Variants in LYST observed in about 807,000 individuals in gnomAD.
The protein encoded by LYST is lysosomal trafficking regulator.
LYST carries 192 observed loss-of-function variants against 413.6 expected under a neutral mutation model. The ratio of observed to expected loss-of-function variants is 0.46; its 90% CI spans 0.41 to 0.52. The LOEUF is 0.52. LYST is among the 20% of genes least tolerant of loss of function. The pLI, the probability that LYST is intolerant of heterozygous loss-of-function variation, is 0.00. For synonymous variants in LYST, 1,525 were observed against 1,567.3 expected (o/e 0.97, Z 0.64); for missense variants, 3,815 against 4,499.9 (o/e 0.85, Z 4.35).
Position 235,733,598 on chromosome 1 carries a change from T to C in LYST, c.8706A>G (p.Arg2902=). 6.2e-7 allele frequency: 1 copy of C among 1,613,838 alleles called. No individual in the cohort carries two copies. The change falls in exon 34 of 53, where the codon AGA becomes AGG. Residue 2902 remains arginine, a synonymous_variant. Transcript: ENST00000389793. The part of the protein sequence containing the change: ...QAVSLSQGNE[R]KKVIQHIRGM... The stretch of plus-strand genomic sequence containing the variant: ...CTCTAATATGCTGGATCACCTTTTT[T>C]CTCTCATTTCCTTGGGAGAGAGACA...
rs1667328867 is a variant in LYST, at chr1:235,759,129, T to G, written c.6724A>C (p.Thr2242Pro). ...AAAGCTAGCCCAAGGCTTGCAATAG[T>G]GCTGTGGCTTCGCTGGAAGGAGGCC... The part of the protein sequence containing the change: ...GLASFQRSHS[T>P]IASLGLAFPS... Residue 2242 changes from threonine to proline, a missense_variant, in exon 23 of 53, where the codon ACT (threonine) becomes CCT (proline). By Grantham distance (38) the Thr-to-Pro change is conservative. Around this residue, in one of 4 missense-constraint regions of LYST, gnomAD observed 771 missense variants for 837.1 expected, o/e 0.92. Transcript: ENST00000389793. 1 of 1,614,202 alleles carries G rather than the reference T, an allele frequency of 6.2e-7. No individual in the cohort carries two copies. The highest frequency in any genetic ancestry group is 8.5e-7 in the Non-Finnish European group (1 of 1,180,030).
At chr1:235,741,729 T>C in intron 30 of LYST, 101 bp from the exon 31 acceptor site, 1 of 877,334 alleles carries the variant, frequency 1.1e-6, no homozygotes, top group Non-Finnish European at 1.9e-6. Flanking sequence ...ACACGTTTTA[T>C]TCCAGATTGG....
At position 235,757,423 on chromosome 1, in the gene LYST, C is replaced by T. The variant is rs562790451; in HGVS notation, c.6917G>A (p.Gly2306Glu). The T allele has an allele frequency of 1.9e-6, 3 of 1,613,404 alleles. No individual in the cohort carries two copies. Among genetic ancestry groups the T allele is most frequent in the Non-Finnish European group, 2.5e-6 (3 of 1,179,750 alleles). ...AACCCCACTTAGGAGTTCATATAAT[C>T]CACAGCATATAGGTACCAAACAGTC... ...TEDCLVPICCGLYELLSGVLL... is the reference protein window; with the variant it reads ...TEDCLVPICCELYELLSGVLL... Residue 2306 changes from glycine to glutamate, a missense_variant, in exon 24 of 53, where the codon GGA (glycine) becomes GAA (glutamate). Physicochemically the swap from Gly to Glu is moderately conservative, Grantham distance 98. Around this residue, in one of 4 missense-constraint regions of LYST, gnomAD observed 771 missense variants for 837.1 expected, o/e 0.92. Coordinates refer to ENST00000389793, the MANE Select transcript of LYST (RefSeq NM_000081.4).
At chr1:235,691,588 A>G (rs1340767769) in intron 47 of LYST, among the ~76,000 whole-genome samples, 1 of 152,168 alleles carries the variant, frequency 6.6e-6, no homozygotes, top group Non-Finnish European at 1.5e-5. Context: ...GATGTTGAGC[A>G]GGAGATTTTG....
intron 10 of LYST, among the ~76,000 whole-genome samples, chr1:235,799,039 C>A (rs10926703): frequency 0.037 from 5,643 of 152,184 alleles, 348 homozygotes; most frequent in African/African-American, 0.13. Flanking sequence ...TAAATAATGG[C>A]ATATAATTTC....
At position 235,806,306 on chromosome 1, in the gene LYST, T is replaced by C. The variant is rs373671757; in HGVS notation, c.2830A>G (p.Ile944Val). 6.2e-6 allele frequency: 10 copies of C among 1,613,908 alleles called. No individual in the cohort carries two copies. Among genetic ancestry groups the C allele is most frequent in the South Asian group, 1.1e-5 (1 of 91,078 alleles). Residue 944 changes from isoleucine to valine, a missense_variant, in exon 6 of 53, where the codon ATA becomes GTA. By Grantham distance (29) the Ile-to-Val change is conservative. Transcript: ENST00000389793. ...SEPLSHMLPC[I>V]SLESLVLPSP... ...GGCAAGACAAGGCTCTCGAGAGATA[T>C]ACATGGCAGCATATGACTTAAAGGC...
chr1:235,877,751 T>G (rs1681205594), intron 1 of LYST, among the ~76,000 whole-genome samples: 1 of 150,872 alleles, frequency 6.6e-6, no homozygotes, highest in East Asian at 2.0e-4. Flanking sequence ...AGTACAGTTC[T>G]GAGACAATTG....
chr1:235,801,274 T>G (rs571953988), intron 8 of LYST, among the ~76,000 whole-genome samples, 177 bp from the exon 9 acceptor site: 22 of 152,286 alleles, frequency 1.4e-4, no homozygotes, highest in African/African-American at 5.3e-4. Flanking sequence ...TTTTGAAGAT[T>G]AATGAGTTCC....
In LYST at chr1:235,674,807, C is replaced by A. The variant is rs1659243355; in HGVS notation, c.11038+2284G>T. 6.6e-6 allele frequency among the ~76,000 whole-genome samples: 1 copy of A among 152,168 alleles called. No homozygotes were observed. The highest frequency in any genetic ancestry group is 1.5e-5 in the Non-Finnish European group (1 of 68,034). ...AAACAATCACAAAAGCCCTACAGGGCCTTACCACCCTAGCAAATAAATTAG... is the reference window on the plus strand; with the variant it reads ...AAACAATCACAAAAGCCCTACAGGGACTTACCACCCTAGCAAATAAATTAG... On this transcript the variant is annotated intron_variant, in intron 50 of 52. Coordinates refer to ENST00000389793, the MANE Select transcript of LYST (RefSeq NM_000081.4). This position sits in a 1 kb window ranked among gnomAD's most constrained non-coding sequence, Gnocchi z 4.1.
At chr1:235,712,607 G>GT in intron 42 of LYST, 1 of 984,560 alleles carries the variant, frequency 1.0e-6, no homozygotes, top group Non-Finnish European at 1.2e-6. Context: ...TAGGCAAACA[G>GT]TTTTTTCCCC....
At chr1:235,858,142 AC>A (rs891507855) in intron 1 of LYST, among the ~76,000 whole-genome samples, 3 of 151,980 alleles carry the variant, frequency 2.0e-5, no homozygotes, top group African/African-American at 7.3e-5. Flanking sequence ...TTCTTCAATG[AC>A]CCCTACTTTG....
At chr1:235,701,614 C>T (rs1041738931) in intron 45 of LYST, among the ~76,000 whole-genome samples, 2 of 152,002 alleles carry the variant, frequency 1.3e-5, no homozygotes, top group Middle Eastern at 3.2e-3. Flanking sequence ...GGCGACAGAG[C>T]GAGACTCATC....
rs375237666 is a variant in LYST, at chr1:235,806,354, C to T, written c.2782G>A (p.Gly928Ser). The change falls in exon 6 of 53, where the codon GGC becomes AGC. Residue 928 changes from glycine to serine, a missense_variant. Around this residue, in one of 4 missense-constraint regions of LYST, gnomAD observed 1,648 missense variants for 1,810.3 expected, o/e 0.91. Transcript: ENST00000389793. The stretch of plus-strand genomic sequence containing the variant: ...GGCTCGCTGGCTGTGCTGTCATAGC[C>T]AGAAGTATCTTCTGAGTCATTGGCC... ...ESANDSEDTS[G>S]YDSTASEPLS... 1 of 1,613,992 alleles carries T rather than the reference C, an allele frequency of 6.2e-7. No individual in the cohort carries two copies. The highest frequency in any genetic ancestry group is 8.5e-7 in the Non-Finnish European group (1 of 1,179,998).
At chr1:235,828,652 C>A (rs908422063) in intron 3 of LYST, 2 of 440,630 alleles carry the variant, frequency 4.5e-6, no homozygotes, top group Non-Finnish European at 6.0e-6. Flanking sequence ...TTATTAGAGT[C>A]ATTCCTCGAT....
intron 31 of LYST, chr1:235,739,056 A>G (rs1459845600): frequency 1.6e-6 from 1 of 620,020 alleles, no homozygotes; most frequent in Non-Finnish European, 3.1e-6. Context: ...GGTTGTGCAT[A>G]TTGTCCTTTT....
At position 235,805,778 on chromosome 1, in the gene LYST, T is replaced by C. The variant is rs1405097388; in HGVS notation, c.3358A>G (p.Ser1120Gly). 2.5e-6 allele frequency: 4 copies of C among 1,613,548 alleles called. No individual in the cohort carries two copies. Among genetic ancestry groups the C allele is most frequent in the East Asian group, 4.5e-5 (2 of 44,838 alleles). Residue 1120 changes from serine (S) to glycine (G), a missense_variant, in exon 6 of 53, where the codon AGT (serine) becomes GGT (glycine). Ser to Gly is a moderately conservative substitution (Grantham distance 56). This residue lies in a region of LYST where 1,648 missense variants were observed against 1,810.3 expected (regional missense o/e 0.91). Coordinates refer to ENST00000389793, the MANE Select transcript of LYST (RefSeq NM_000081.4). ...AACTCCAATTCCATCTTCTGTTGACTAGTTCTGGCACCATGAAGACAAATG... is the reference window on the plus strand; with the variant it reads ...AACTCCAATTCCATCTTCTGTTGACCAGTTCTGGCACCATGAAGACAAATG... ...LAICLHGART[S>G]QQKMELELPN...
rs544082091 is a variant in LYST, at chr1:235,844,464, T to A, written c.-97-10797A>T. Among the ~76,000 whole-genome samples the A allele has an allele frequency of 3.3e-5, 5 of 152,210 alleles. No individual in the cohort carries two copies. The South Asian group carries it at 1.0e-3, about 32-fold the overall frequency. ...AATGATTAGTCACTGGACTCTACTA[T>A]CCCAGTTGTCTTGGAGTTACATATG... On this transcript the variant is annotated intron_variant, in intron 1 of 52. Coordinates refer to ENST00000389793, the MANE Select transcript of LYST (RefSeq NM_000081.4).
At chr1:235,867,577 C>T (rs1680699275), upstream of LYST, among the ~76,000 whole-genome samples, 1 of 152,176 alleles carries the variant, frequency 6.6e-6, no homozygotes, top group Non-Finnish European at 1.5e-5. Flanking sequence ...ATACAGTGCG[C>T]ACTGTCAGTG....
At chr1:235,727,611 AAT>A (rs1486249549) in intron 38 of LYST, among the ~76,000 whole-genome samples, 6 of 152,310 alleles carry the variant, frequency 3.9e-5, no homozygotes, top group East Asian at 1.9e-4. Flanking sequence ...TTATACAAAA[AAT>A]ATGTCTATTT....
Sources: gnomAD v4.1 joint callset for allele counts (sites outside exome capture counted in the v4.1 genomes callset) on GRCh38, gnomAD v4.1.1 for gene constraint, gnomAD v4.1.1 regional missense constraint, Gnocchi (gnomAD v3.1) non-coding constraint, MANE v1.5 for transcripts, NCBI Gene and HGNC (gene_info 2026-07-23, HGNC 2026-07-21) for gene names.